Variants in OCLN observed in about 807,000 individuals in gnomAD.
OCLN encodes phosphatase 1, regulatory subunit 115.
A neutral mutation model predicts 47.9 loss-of-function variants in OCLN; 21 were observed. The ratio of observed to expected loss-of-function variants is 0.44; its 90% confidence interval spans 0.31 to 0.63. OCLN has a LOEUF of 0.63. Among genes scored for constraint, OCLN ranks in the 30% least tolerant of loss-of-function variants. The probability of loss-of-function intolerance (pLI) is 0.08; values close to 1 mark genes in which losing one functional copy is unlikely to be tolerated. For missense variants in OCLN, 360 were observed against 571.0 expected (o/e 0.63, Z 3.77); for synonymous variants, 117 against 198.4 (o/e 0.59, Z 3.45).
intron 3 of OCLN, among the ~76,000 whole-genome samples, chr5:69,511,565 C>T (rs553774811): frequency 2.0e-5 from 3 of 152,132 alleles, no homozygotes; most frequent in African/African-American, 7.2e-5. Flanking sequence ...GGGCATGCCA[C>T]CACACCCGGA....
chr5:69,505,483 T>G (rs1257744227), intron 2 of OCLN, among the ~76,000 whole-genome samples: 1 of 152,188 alleles, frequency 6.6e-6, no homozygotes, highest in African/African-American at 2.4e-5. Context: ...ACTTTCTGTC[T>G]CTATAGATTT....
At chr5:69,525,132 T>A (rs1306211721) in intron 4 of OCLN, among the ~76,000 whole-genome samples, 1 of 151,456 alleles carries the variant, frequency 6.6e-6, no homozygotes, top group Non-Finnish European at 1.5e-5. Flanking sequence ...TGAGACAGGG[T>A]CTCGCTCTGT....
At chr5:69,510,608 C>T (rs1367927578) in intron 3 of OCLN, among the ~76,000 whole-genome samples, 1 of 152,044 alleles carries the variant, frequency 6.6e-6, no homozygotes, top group African/African-American at 2.4e-5. Flanking sequence ...GGCGTGAACC[C>T]GGGAGGCGGA....
intron 4 of OCLN, among the ~76,000 whole-genome samples, chr5:69,525,665 T>G (rs1345996036): frequency 2.0e-5 from 3 of 152,000 alleles, no homozygotes; most frequent in Non-Finnish European, 4.4e-5. Context: ...TTTATAAGAG[T>G]TTTTATGGGG....
At chr5:69,553,548 G>A (rs746356441) in intron 8 of OCLN, 22 bp from the exon 9 acceptor site, 20 of 1,609,560 alleles carry the variant, frequency 1.2e-5, no homozygotes, top group Non-Finnish European at 1.7e-5. Flanking sequence ...GAATTTATGT[G>A]ATTCATTTTC....
At chr5:69,533,108 CAT>C (rs139759677) in intron 4 of OCLN, among the ~76,000 whole-genome samples, 1 of 146,890 alleles carries the variant, frequency 6.8e-6, no homozygotes, top group Non-Finnish European at 1.5e-5. Flanking sequence ...CACACACACA[CAT>C]ATATATATAC....
chr5:69,509,255 C>A lies in OCLN; in HGVS notation c.165C>A (p.Phe55Leu), dbSNP rs1306982956. ...SFYPEDEILH[F>L]YKWTSPPGVI... Reference sequence around the variant, plus strand: ...ACCCAGAAGATGAAATTCTTCACTTCTACAAATGGACCTCTCCTCCAGGAG... The same window carrying A: ...ACCCAGAAGATGAAATTCTTCACTTATACAAATGGACCTCTCCTCCAGGAG... Residue 55 changes from phenylalanine to leucine, a missense_variant, in exon 3 of 9, where the codon TTC (phenylalanine) becomes TTA (leucine). Around this residue, in one of 3 missense-constraint regions of OCLN, gnomAD observed 314 missense variants for 368.1 expected, o/e 0.85. Coordinates refer to ENST00000396442, the MANE Select transcript of OCLN (RefSeq NM_001205254.2). 1 of 1,614,212 alleles carries A rather than the reference C, an allele frequency of 6.2e-7. No individual in the cohort carries two copies. The highest frequency in any genetic ancestry group is 8.5e-7 in the Non-Finnish European group (1 of 1,180,028).
intron 1 of OCLN, among the ~76,000 whole-genome samples, chr5:69,501,580 T>C (rs970829916): frequency 7.9e-5 from 12 of 151,432 alleles, no homozygotes; most frequent in Non-Finnish European, 1.3e-4. Context: ...TGAGCTGAGA[T>C]GATGGCACTG....
At chr5:69,524,841 C>T (rs921136406) in intron 4 of OCLN, among the ~76,000 whole-genome samples, 1 of 152,254 alleles carries the variant, frequency 6.6e-6, no homozygotes, top group Admixed American at 6.5e-5. Context: ...CGTATGCCAC[C>T]ACACCTGGCT....
chr5:69,518,151 A>G (rs1769029289), intron 4 of OCLN, among the ~76,000 whole-genome samples: 1 of 152,218 alleles, frequency 6.6e-6, no homozygotes, highest in African/African-American at 2.4e-5. Flanking sequence ...GGAGGTGATG[A>G]TGATTAAGGT....
chr5:69,521,634 C>T (rs1769140900), intron 4 of OCLN, among the ~76,000 whole-genome samples: 1 of 152,026 alleles, frequency 6.6e-6, no homozygotes. Flanking sequence ...ACCCCTATCT[C>T]TTGAAAAAAA....
intron 1 of OCLN, among the ~76,000 whole-genome samples, chr5:69,499,583 T>G (rs1459107223): frequency 6.6e-6 from 1 of 152,018 alleles, no homozygotes; most frequent in Non-Finnish European, 1.5e-5. Flanking sequence ...TTCTTGTGGT[T>G]TTTTTCTTTC....
At chr5:69,522,767 G>T (rs1403108926) in intron 4 of OCLN, among the ~76,000 whole-genome samples, 2 of 150,610 alleles carry the variant, frequency 1.3e-5, no homozygotes, top group African/African-American at 4.9e-5. Context: ...TCACTCTGTT[G>T]CCCAGGCTGG....
chr5:69,534,612 A>G, intron 4 of OCLN, 82 bp from the exon 5 acceptor site: 1 of 424,086 alleles, frequency 2.4e-6, no homozygotes, highest in Non-Finnish European at 4.0e-6. Flanking sequence ...ATATTAGATA[A>G]TGTATATAAG....
intron 1 of OCLN, among the ~76,000 whole-genome samples, chr5:69,497,469 C>A (rs148622922): frequency 6.9e-6 from 1 of 145,888 alleles, no homozygotes; most frequent in Non-Finnish European, 1.5e-5. Context: ...CTCACTGCAA[C>A]CTCTGCCTCC....
rs1474319196 is a variant in OCLN at position 69,507,858 on chromosome 5, G to C, written c.51-1283G>C. Among the ~76,000 whole-genome samples the C allele has an allele frequency of 6.6e-5, 10 of 152,004 alleles. No individual in the cohort carries two copies. In the East Asian group the frequency reaches 1.9e-3, roughly 29 times the overall value. On this transcript the variant is annotated intron_variant, in intron 2 of 8. Coordinates refer to ENST00000396442, the MANE Select transcript of OCLN (RefSeq NM_001205254.2). ...TGACCTCAGGTGATCCACCCGCCTC[G>C]GCCTCCCAGAGTGCTGGGATTACAG... is the stretch of plus-strand genomic sequence containing the variant.
At chr5:69,524,779 C>T (rs951352255) in intron 4 of OCLN, among the ~76,000 whole-genome samples, 2 of 152,210 alleles carry the variant, frequency 1.3e-5, no homozygotes, top group African/African-American at 2.4e-5. Flanking sequence ...CTCCGCCTCC[C>T]GGGTTCAAGC....
Position 69,553,658 on chromosome 5 carries a change from G to C in OCLN, c.1556G>C (p.Arg519Thr), listed in dbSNP as rs762310597. 4 of 1,613,860 alleles carry C rather than the reference G, an allele frequency of 2.5e-6. No individual in the cohort carries two copies. The South Asian group carries it at 3.3e-5, about 13-fold the overall frequency. The change falls in exon 9 of 9, where the codon AGA (arginine) becomes ACA (threonine). Residue 519 changes from arginine to threonine, a missense_variant. This residue lies in a region of OCLN where 25 missense variants were observed against 43.9 expected (regional missense o/e 0.57). Coordinates refer to ENST00000396442, the MANE Select transcript of OCLN (RefSeq NM_001205254.2). ...HIKKMVGDYD[R>T]QKT ...AAGAAGATGGTTGGAGACTATGATA[G>C]ACAGAAAACATAGAAGGCTGATGCC...
At chr5:69,525,241 A>C (rs1407240216) in intron 4 of OCLN, among the ~76,000 whole-genome samples, 2 of 151,624 alleles carry the variant, frequency 1.3e-5, no homozygotes, top group Non-Finnish European at 2.9e-5. Flanking sequence ...AGTAGCTGGG[A>C]CTACAGGTGC....
Sources: gnomAD v4.1 joint callset for allele counts (sites outside exome capture counted in the v4.1 genomes callset) on GRCh38, gnomAD v4.1.1 for gene constraint, gnomAD v4.1.1 regional missense constraint, MANE v1.5 for transcripts, NCBI Gene and HGNC (gene_info 2026-07-23, HGNC 2026-07-21) for gene names.